MCC: variants seen among roughly 807,000 people sequenced by gnomAD.
The protein encoded by MCC is colorectal mutant cancer protein.
In MCC, 90 loss-of-function variants were observed where a neutral mutation model predicts 116.2. The ratio of observed to expected loss-of-function variants is 0.77; its 90% confidence interval spans 0.65 to 0.92. The LOEUF (loss-of-function observed/expected upper bound fraction) is 0.92. Ranked by LOEUF, MCC falls within the 40% of genes least tolerant of loss-of-function variation. The pLI is 0.00. For synonymous variants in MCC, 578 were observed against 510.5 expected (o/e 1.13, Z -1.78); for missense variants, 1,516 against 1,312.2 (o/e 1.16, Z -2.40).
At chr5:113,033,518 G>A (rs1751107014) in intron 17 of MCC, among the ~76,000 whole-genome samples, 1 of 152,130 alleles carries the variant, frequency 6.6e-6, no homozygotes, top group Non-Finnish European at 1.5e-5. Context: ...AATTTGCTTA[G>A]CCTTTCGTTA....
chr5:113,142,365 T>C (rs1028791288), intron 5 of MCC, among the ~76,000 whole-genome samples: 2 of 151,854 alleles, frequency 1.3e-5, no homozygotes, highest in African/African-American at 4.8e-5. Context: ...GCCAGGAACA[T>C]GAAAATGCTC....
intron 1 of MCC, 108 bp downstream of exon 1, chr5:113,488,137 C>T: frequency 8.4e-7 from 1 of 1,194,542 alleles, no homozygotes; most frequent in Non-Finnish European, 1.1e-6. Flanking sequence ...TTCCCGCGAG[C>T]TTCTGAGCAA....
At chr5:113,082,255 T>C (rs568265438) in intron 11 of MCC, among the ~76,000 whole-genome samples, 1 of 152,378 alleles carries the variant, frequency 6.6e-6, no homozygotes, top group African/African-American at 2.4e-5. Flanking sequence ...GGATAGGATG[T>C]AGGGATCCAA....
At chr5:113,197,182 C>A (rs75787698) in intron 3 of MCC, among the ~76,000 whole-genome samples, 11,927 of 151,972 alleles carry the variant, frequency 0.078, 633 homozygotes, top group East Asian at 0.24. Flanking sequence ...CGTTCTGGGT[C>A]GATGGGGAGA....
Position 113,156,154 on chromosome 5 carries a change from C to A in MCC, c.628-4732G>T, listed in dbSNP as rs572248945. Reference sequence around the variant, plus strand: ...CAGTTTTGGACCACCTAACCCCAGACTTCTGTTACAGAACTGCAAGAAATA... The same window carrying A: ...CAGTTTTGGACCACCTAACCCCAGAATTCTGTTACAGAACTGCAAGAAATA... On this transcript the variant is annotated intron_variant, in intron 3 of 18. Coordinates refer to ENST00000408903, the MANE Select transcript of MCC (RefSeq NM_001085377.2). Among the ~76,000 whole-genome samples, 3 of 152,334 alleles carry A rather than the reference C, an allele frequency of 2.0e-5. No individual in the cohort carries two copies. In the East Asian group the frequency reaches 5.8e-4, roughly 29 times the overall value.
At chr5:113,155,455 C>T (rs1760122372) in intron 3 of MCC, among the ~76,000 whole-genome samples, 1 of 152,056 alleles carries the variant, frequency 6.6e-6, no homozygotes, top group Non-Finnish European at 1.5e-5. Flanking sequence ...TTTTAGGAAC[C>T]TCCACACTGT....
chr5:113,071,166 G>T lies in MCC; in HGVS notation c.1853C>A (p.Ala618Asp). ...TCCCACCAGCATGCTCATCCTCTCGGCATTGCTTTTACATTCCTCCAAGGT... is the reference window on the plus strand; with the variant it reads ...TCCCACCAGCATGCTCATCCTCTCGTCATTGCTTTTACATTCCTCCAAGGT... ...TITLEECKSNAERMSMLVGKY... is the reference protein window; with the variant it reads ...TITLEECKSNDERMSMLVGKY... The change falls in exon 12 of 19, where the codon GCC becomes GAC. Residue 618 changes from alanine to aspartate, a missense_variant. Ala to Asp is a moderately radical substitution (Grantham distance 126). Transcript: ENST00000408903. The T allele has an allele frequency of 6.2e-7, 1 of 1,614,102 alleles. No homozygotes were observed. Among genetic ancestry groups the T allele is most frequent in the East Asian group, 2.2e-5 (1 of 44,890 alleles).
intron 1 of MCC, among the ~76,000 whole-genome samples, chr5:113,475,283 T>G (rs916570566): frequency 6.6e-6 from 1 of 152,232 alleles, no homozygotes; most frequent in African/African-American, 2.4e-5. Context: ...TCTAGAATTT[T>G]CCAAGCAACA....
At chr5:113,100,558 G>A (rs909313601) in intron 8 of MCC, among the ~76,000 whole-genome samples, 2 of 119,756 alleles carry the variant, frequency 1.7e-5, no homozygotes, top group East Asian at 3.0e-4. Flanking sequence ...TGCAACCCCC[G>A]CCTCCCGGGT....
intron 14 of MCC, among the ~76,000 whole-genome samples, chr5:113,058,322 C>T (rs948610774): frequency 2.0e-5 from 3 of 152,212 alleles, no homozygotes; most frequent in Admixed American, 1.3e-4. Context: ...TGGTCCACCC[C>T]AGCAGTTTTC....
At chr5:113,365,428 A>T (rs1768661794) in intron 2 of MCC, among the ~76,000 whole-genome samples, 1 of 152,178 alleles carries the variant, frequency 6.6e-6, no homozygotes, top group Admixed American at 6.5e-5. Flanking sequence ...CCTGGACTTG[A>T]TTATCAACAT....
At chr5:113,482,864 T>C (rs987926857) in intron 1 of MCC, among the ~76,000 whole-genome samples, 3 of 152,208 alleles carry the variant, frequency 2.0e-5, no homozygotes, top group Non-Finnish European at 4.4e-5. Context: ...TTTTTTCTTC[T>C]AAAAGTTTAA....
intron 1 of MCC, among the ~76,000 whole-genome samples, chr5:113,398,690 G>C (rs577243980): frequency 6.6e-6 from 1 of 152,324 alleles, no homozygotes; most frequent in South Asian, 2.1e-4. Context: ...ATGGGAGAGG[G>C]AGGAAGGAGA....
At chr5:113,080,700 G>A (rs1754793920) in intron 11 of MCC, among the ~76,000 whole-genome samples, 1 of 151,586 alleles carries the variant, frequency 6.6e-6, no homozygotes, top group African/African-American at 2.4e-5. Flanking sequence ...TATACCTAAT[G>A]TAAATGATGA....
At chr5:113,090,006 C>G (rs1755481447) in intron 8 of MCC, among the ~76,000 whole-genome samples, 1 of 152,174 alleles carries the variant, frequency 6.6e-6, no homozygotes, top group African/African-American at 2.4e-5. Context: ...GAGGGCTTAT[C>G]AGTCAACAAT....
intron 3 of MCC, among the ~76,000 whole-genome samples, chr5:113,198,223 GT>G (rs1243726868): frequency 6.6e-6 from 1 of 152,134 alleles, no homozygotes; most frequent in Admixed American, 6.5e-5. Context: ...AAGGGTTTTG[GT>G]ATCTTCTTTC....
At chr5:113,324,562 C>A (rs1767503222) in intron 3 of MCC, among the ~76,000 whole-genome samples, 1 of 152,076 alleles carries the variant, frequency 6.6e-6, no homozygotes, top group Non-Finnish European at 1.5e-5. Context: ...AAAGACTTTT[C>A]CTTCTCTATT....
intron 12 of MCC, among the ~76,000 whole-genome samples, chr5:113,068,969 T>C (rs574234876): frequency 6.6e-6 from 1 of 152,378 alleles, no homozygotes. Flanking sequence ...AGGTAGCTGA[T>C]ATAACATCCC....
intron 3 of MCC, among the ~76,000 whole-genome samples, chr5:113,235,759 A>AT (rs1384425739): frequency 1.3e-5 from 2 of 152,154 alleles, no homozygotes; most frequent in African/African-American, 4.8e-5. Context: ...CGGTTAAGAG[A>AT]TTTTCCCACT....
Sources: gnomAD v4.1 joint callset for allele counts (sites outside exome capture counted in the v4.1 genomes callset) on GRCh38, gnomAD v4.1.1 for gene constraint, MANE v1.5 for transcripts, NCBI Gene and HGNC (gene_info 2026-07-23, HGNC 2026-07-21) for gene names.